Variants in PTPN3 observed in about 807,000 individuals in gnomAD.
PTPN3 encodes the protein protein tyrosine phosphatase non-receptor type 3.
PTPN3 carries 96 observed loss-of-function variants against 132.7 expected under a neutral mutation model. The ratio of observed to expected loss-of-function variants is 0.72; its 90% CI spans 0.61 to 0.86. PTPN3 has a LOEUF of 0.86. PTPN3 is among the 40% of genes least tolerant of loss of function. The probability of loss-of-function intolerance (pLI) is 0.00; values close to 1 mark genes in which losing one functional copy is unlikely to be tolerated. For synonymous variants in PTPN3, 398 were observed against 429.0 expected (o/e 0.93, Z 0.89); for missense variants, 1,125 against 1,159.6 (o/e 0.97, Z 0.43).
chr9:109,450,395 G>A (rs1345486802), intron 5 of PTPN3: 2 of 984,674 alleles, frequency 2.0e-6, no homozygotes, highest in Admixed American at 1.2e-4. Flanking sequence ...AGAAAGGAGA[G>A]TTATAGATAA....
intron 5 of PTPN3, 41 bp downstream of exon 5, chr9:109,454,455 T>C: frequency 6.5e-7 from 1 of 1,534,448 alleles, no homozygotes; most frequent in Non-Finnish European, 9.0e-7. Context: ...GGTTACTCAT[T>C]TTTATACACT....
the PTPN3 span, among the ~76,000 whole-genome samples, chr9:109,508,186 C>A: frequency 0.86 from 128,693 of 148,968 alleles, 55,654 homozygotes; most frequent in South Asian, 0.94. Context: ...TTTGAGATGG[C>A]GTTTCGCTCT....
chr9:109,488,550 T>A (rs1310490557), intron 1 of PTPN3, among the ~76,000 whole-genome samples: 1 of 152,024 alleles, frequency 6.6e-6, no homozygotes, highest in Admixed American at 6.5e-5. Context: ...CCTAGAGTAA[T>A]AAAAACACGA....
chr9:109,496,965 T>C (rs1055169517), intron 1 of PTPN3, among the ~76,000 whole-genome samples: 1 of 152,216 alleles, frequency 6.6e-6, no homozygotes, highest in Non-Finnish European at 1.5e-5. Context: ...AAGCAGGCTT[T>C]ACTTTCTCCC....
rs201527611 is a variant in PTPN3, at chr9:109,382,469, T to C, written c.2383-22A>G. On this transcript the variant is annotated intron_variant, in intron 23 of 25. Transcript: ENST00000374541. ...CGGTCTGTGGGAGATGCAGTGGCCT[T>C]GGTGAGCCCATCCAGGTGGTGAGCA... is the stretch of plus-strand genomic sequence containing the variant. 10 of 1,613,242 alleles carry C rather than the reference T, an allele frequency of 6.2e-6. No homozygotes were observed. The East Asian group carries it at 2.2e-4, about 36-fold the overall frequency.
At chr9:109,501,971 G>C (rs768279761), upstream of PTPN3, among the ~76,000 whole-genome samples, 2 of 152,218 alleles carry the variant, frequency 1.3e-5, no homozygotes, top group Non-Finnish European at 2.9e-5. Context: ...CTCTCTCTTA[G>C]TGCCAGTAGA....
At chr9:109,485,324 G>A (rs1422636296) in intron 1 of PTPN3, among the ~76,000 whole-genome samples, 3 of 152,138 alleles carry the variant, frequency 2.0e-5, no homozygotes, top group Admixed American at 6.5e-5. Context: ...TGGCTAACAG[G>A]TGAAACCCCG....
At position 109,383,655 on chromosome 9, in the gene PTPN3, C is replaced by T. The variant is rs77234379; in HGVS notation, c.2254-104G>A. On this transcript the variant is annotated intron_variant, in intron 22 of 25. Coordinates refer to ENST00000374541, the MANE Select transcript of PTPN3 (RefSeq NM_002829.4). ...GGTTAGGCATCCTCTCATGCACACC[C>T]GAGAGCACTGATGGGAGAAAACAAA... is the stretch of plus-strand genomic sequence containing the variant. The T allele has an allele frequency of 0.028, 40,860 of 1,454,922 alleles. 812 individuals carry two copies. Among genetic ancestry groups the T allele is most frequent in the Non-Finnish European group, 0.029 (30,691 of 1,073,182 alleles). 90.1% of individuals were successfully genotyped at this position (1,454,922 alleles called of 1,614,324 possible).
At position 109,406,452 on chromosome 9, in the gene PTPN3, T is replaced by C. The variant is rs541009790; in HGVS notation, c.1792+10A>G. On this transcript the variant is annotated intron_variant, in intron 18 of 25. Transcript: ENST00000374541. ...CTTCCCTATGGCTCCTCCCCCCAGG[T>C]GGCCATTACCTCTCCTCCTGATCAC... The C allele has an allele frequency of 2.5e-6, 4 of 1,611,154 alleles. No homozygotes were observed. Among genetic ancestry groups the C allele is most frequent in the Non-Finnish European group, 2.5e-6 (3 of 1,177,876 alleles).
At chr9:109,453,240 T>C (rs964081271) in intron 5 of PTPN3, among the ~76,000 whole-genome samples, 2 of 152,196 alleles carry the variant, frequency 1.3e-5, no homozygotes, top group Non-Finnish European at 2.9e-5. Context: ...TGTGATGTAA[T>C]TACTGCTAAA....
At chr9:109,430,400 G>A (rs568466161) in intron 10 of PTPN3, among the ~76,000 whole-genome samples, 8 of 152,182 alleles carry the variant, frequency 5.3e-5, no homozygotes, top group Admixed American at 1.3e-4. Context: ...GCTCAGCATC[G>A]CCTTCCCAGG....
intron 10 of PTPN3, among the ~76,000 whole-genome samples, chr9:109,431,940 A>G (rs71499695): frequency 6.6e-6 from 1 of 151,874 alleles, no homozygotes. Context: ...AAGAAAATAC[A>G]CAGTAATAGG....
At chr9:109,436,057 C>A (rs531886782) in intron 9 of PTPN3, among the ~76,000 whole-genome samples, 1 of 152,226 alleles carries the variant, frequency 6.6e-6, no homozygotes, top group African/African-American at 2.4e-5. Context: ...GTCGATTTCA[C>A]AAGGTTTCTA....
At chr9:109,485,749 G>A (rs959237311) in intron 1 of PTPN3, among the ~76,000 whole-genome samples, 1 of 152,086 alleles carries the variant, frequency 6.6e-6, no homozygotes, top group African/African-American at 2.4e-5. Context: ...GAGTACGGGA[G>A]AGCCTCTGTC....
At chr9:109,533,092 A>G in the PTPN3 span, 1 of 230,758 alleles carries the variant, frequency 4.3e-6, no homozygotes, top group South Asian at 9.9e-5. Flanking sequence ...AGTAGCTGGA[A>G]CTACATACAG....
chr9:109,401,171 G>A (rs1841059441), intron 19 of PTPN3, among the ~76,000 whole-genome samples: 1 of 152,252 alleles, frequency 6.6e-6, no homozygotes, highest in Admixed American at 6.5e-5. Flanking sequence ...ACCCTAAAAT[G>A]TATACGTTCT....
intron 16 of PTPN3, among the ~76,000 whole-genome samples, chr9:109,409,766 C>T (rs370380537): frequency 1.3e-4 from 19 of 151,984 alleles, no homozygotes; most frequent in African/African-American, 3.1e-4. Flanking sequence ...GAGCTGCGAT[C>T]GTGCCACTGC....
the PTPN3 span, among the ~76,000 whole-genome samples, chr9:109,526,629 C>T: frequency 6.6e-6 from 1 of 152,128 alleles, no homozygotes; most frequent in African/African-American, 2.4e-5. Context: ...GGGCTGCGTT[C>T]ATGCCACTGC....
intron 5 of PTPN3, chr9:109,449,947 C>A (rs770216506): frequency 1.3e-5 from 13 of 985,350 alleles, no homozygotes; most frequent in Non-Finnish European, 1.6e-5. Context: ...TTGTAACTTT[C>A]CCTCTTATCT....
Sources: allele counts gnomAD v4.1 joint callset (sites outside exome capture counted in the v4.1 genomes callset), GRCh38; gene constraint gnomAD v4.1.1; transcripts MANE v1.5; gene names NCBI Gene and HGNC (gene_info 2026-07-23, HGNC 2026-07-21).